The following RHBDD1 variants were observed in gnomAD, a reference collection of about 807,000 sequenced individuals.
The protein encoded by RHBDD1 is rhomboid domain containing 1.
In RHBDD1, 38 loss-of-function variants were observed where a neutral mutation model predicts 36.3. The observed-to-expected ratio is 1.05, with a 90% CI of 0.81 to 1.37. The LOEUF (loss-of-function observed/expected upper bound fraction) is 1.37. Ranked by LOEUF, RHBDD1 falls within the 40% of genes most tolerant of loss-of-function variation. RHBDD1 has a pLI of 0.00. For missense variants in RHBDD1, 393 were observed against 377.6 expected, an observed-to-expected ratio of 1.04 and a Z score of -0.34; for synonymous variants, 151 against 136.5, an observed-to-expected ratio of 1.11 and a Z score of -0.74.
At chr2:226,873,998 A>G (rs1283851794) in intron 5 of RHBDD1, among the ~76,000 whole-genome samples, 1 of 152,138 alleles carries the variant, frequency 6.6e-6, no homozygotes, top group Non-Finnish European at 1.5e-5. Context: ...AGGTGATTCA[A>G]GGTCGTCCTA....
At chr2:226,957,689 A>G (rs563089537) in intron 8 of RHBDD1, among the ~76,000 whole-genome samples, 2 of 152,354 alleles carry the variant, frequency 1.3e-5, no homozygotes, top group Admixed American at 6.5e-5. Context: ...AGGAACTCTT[A>G]CAATTCAATA....
intron 5 of RHBDD1, among the ~76,000 whole-genome samples, chr2:226,890,060 A>G (rs1245238414): frequency 1.3e-5 from 2 of 152,208 alleles, no homozygotes; most frequent in Non-Finnish European, 2.9e-5. Flanking sequence ...CATCACCTGC[A>G]GGTACAAGGT....
At chr2:226,869,143 G>T in intron 5 of RHBDD1, 13 of 984,104 alleles carry the variant, frequency 1.3e-5, no homozygotes, top group Non-Finnish European at 1.4e-5. Flanking sequence ...ATTTTTTAGG[G>T]TTCCCCCCAA....
At chr2:226,812,153 G>C in the RHBDD1 span, among the ~76,000 whole-genome samples, 1 of 152,348 alleles carries the variant, frequency 6.6e-6, no homozygotes, top group Admixed American at 6.5e-5. Flanking sequence ...ATTGAGAAGG[G>C]GAATTCTAGG....
At chr2:226,931,383 C>G (rs929535212) in intron 8 of RHBDD1, among the ~76,000 whole-genome samples, 3 of 151,960 alleles carry the variant, frequency 2.0e-5, no homozygotes, top group African/African-American at 7.2e-5. Flanking sequence ...GTATTAATAA[C>G]TCAGGAATAG....
rs2149633544 is a variant in RHBDD1 at position 226,996,909 on chromosome 2, A to T, written c.*1387A>T. ...CACAATATAAACAGAAATACAAATAAATACATACACAATTTTAAAGTCACC... is the reference window on the plus strand; with the variant it reads ...CACAATATAAACAGAAATACAAATATATACATACACAATTTTAAAGTCACC... On this transcript the variant is annotated 3_prime_UTR_variant, in exon 9 of 9. Coordinates refer to ENST00000392062, the MANE Select transcript of RHBDD1 (RefSeq NM_001167608.3). The T allele has an allele frequency of 6.6e-6, 1 of 152,362 alleles. No homozygotes were observed. The highest frequency in any genetic ancestry group is 2.1e-4 in the South Asian group (1 of 4,818). The allele number at this position is 152,362 out of a possible 1,614,324, so 9.4% of individuals were successfully genotyped here.
chr2:226,883,720 A>T (rs1559229877), intron 5 of RHBDD1, among the ~76,000 whole-genome samples: 1 of 152,346 alleles, frequency 6.6e-6, no homozygotes, highest in East Asian at 1.9e-4. Flanking sequence ...TGGATGTCCC[A>T]GATAATGATG....
intron 6 of RHBDD1, among the ~76,000 whole-genome samples, chr2:226,907,738 G>C (rs528826076): frequency 6.6e-6 from 1 of 152,260 alleles, no homozygotes; most frequent in South Asian, 2.1e-4. Flanking sequence ...TTCACTTTTG[G>C]TTGATTTTTA....
chr2:226,928,576 A>G (rs759583699), intron 8 of RHBDD1, among the ~76,000 whole-genome samples: 84 of 152,196 alleles, frequency 5.5e-4, no homozygotes, highest in Admixed American at 1.2e-3. Flanking sequence ...TTGACAATCT[A>G]ATGTCACACG....
intron 5 of RHBDD1, chr2:226,906,581 A>G: frequency 1.8e-6 from 2 of 1,089,768 alleles, no homozygotes; most frequent in East Asian, 5.2e-5. Context: ...GTTGCGTTTT[A>G]AACATGTGGT....
At chr2:226,961,282 A>T (rs1176682618) in intron 8 of RHBDD1, among the ~76,000 whole-genome samples, 1 of 152,158 alleles carries the variant, frequency 6.6e-6, no homozygotes, top group Non-Finnish European at 1.5e-5. Flanking sequence ...GGCAGCTGGG[A>T]TGCCTACCTG....
chr2:226,914,853 A>AT (rs1425104827), intron 8 of RHBDD1, among the ~76,000 whole-genome samples: 3 of 152,040 alleles, frequency 2.0e-5, no homozygotes, highest in Admixed American at 2.0e-4. Context: ...TTTCCAGGAG[A>AT]TTCTTTTATA....
At chr2:226,849,059 T>C (rs1218273067) in intron 3 of RHBDD1, among the ~76,000 whole-genome samples, 1 of 152,234 alleles carries the variant, frequency 6.6e-6, no homozygotes, top group African/African-American at 2.4e-5. Flanking sequence ...GTGATTACTG[T>C]ATGCCTGGCA....
At chr2:226,895,922 A>AACACTATT in intron 5 of RHBDD1, 1 of 567,084 alleles carries the variant, frequency 1.8e-6, no homozygotes, top group South Asian at 7.7e-5. Context: ...AAATTACTGA[A>AACACTATT]ACACTATTAT....
chr2:226,812,251 A>G, the RHBDD1 span, among the ~76,000 whole-genome samples: 13 of 152,208 alleles, frequency 8.5e-5, no homozygotes, highest in African/African-American at 2.9e-4. Flanking sequence ...AAAAAATGGA[A>G]TGGTTTCTAA....
At chr2:226,992,185 G>A (rs908676763) in intron 8 of RHBDD1, among the ~76,000 whole-genome samples, 3 of 152,218 alleles carry the variant, frequency 2.0e-5, no homozygotes, top group Non-Finnish European at 4.4e-5. Flanking sequence ...GGAAGTAGAA[G>A]ACAGAGTGTA....
intron 8 of RHBDD1, among the ~76,000 whole-genome samples, chr2:226,987,612 C>T (rs1159001456): frequency 2.0e-5 from 3 of 152,230 alleles, no homozygotes; most frequent in African/African-American, 7.2e-5. Context: ...ACACTCGAAC[C>T]TCTGTGTGGG....
intron 8 of RHBDD1, among the ~76,000 whole-genome samples, chr2:226,943,188 C>T (rs1322006640): frequency 2.6e-5 from 4 of 152,292 alleles, no homozygotes; most frequent in South Asian, 2.1e-4. Flanking sequence ...GTGAGAGTCA[C>T]GTATTTGTGT....
At position 226,997,935 on chromosome 2, in the gene RHBDD1, C is replaced by T. The variant is rs1225929306; in HGVS notation, c.*2413C>T. On this transcript the variant is annotated 3_prime_UTR_variant, in exon 9 of 9. Transcript: ENST00000392062. ...TATTTTCCTCTACAATAAGGAATCC[C>T]TAAAGTTATGCCAACAAACTGGAAT... The T allele has an allele frequency of 6.6e-6, 1 of 152,158 alleles. No individual in the cohort carries two copies. Among genetic ancestry groups the T allele is most frequent in the Non-Finnish European group, 1.5e-5 (1 of 68,034 alleles). 9.4% of individuals were successfully genotyped at this position (152,158 alleles called of 1,614,324 possible).
Sources: gnomAD v4.1 joint callset for allele counts (sites outside exome capture counted in the v4.1 genomes callset) on GRCh38, gnomAD v4.1.1 for gene constraint, MANE v1.5 for transcripts, NCBI Gene and HGNC (gene_info 2026-07-23, HGNC 2026-07-21) for gene names.